Variants in CNTN4 observed in about 807,000 individuals in gnomAD.
CNTN4 encodes the protein contactin 4, also known as contactin-4.
CNTN4 carries 77 observed loss-of-function variants against 122.5 expected under a neutral mutation model. That is an observed-to-expected ratio of 0.63 (90% CI 0.52 to 0.76). The LOEUF is 0.76. Among genes scored for constraint, CNTN4 ranks in the 30% least tolerant of loss-of-function variants. CNTN4 has a pLI of 0.00. For synonymous variants in CNTN4, 512 were observed against 447.0 expected, an observed-to-expected ratio of 1.15 and a Z score of -1.83; for missense variants, 1,256 against 1,259.1, an observed-to-expected ratio of 1.00 and a Z score of 0.04.
At chr3:2,353,439 C>A (rs1484095185) in intron 3 of CNTN4, among the ~76,000 whole-genome samples, 2 of 152,122 alleles carry the variant, frequency 1.3e-5, no homozygotes, top group African/African-American at 4.8e-5. Context: ...AAGCTTTGTT[C>A]TTTTGCTCTT....
intron 3 of CNTN4, among the ~76,000 whole-genome samples, chr3:2,562,582 A>G (rs1299780721): frequency 6.6e-6 from 1 of 152,158 alleles, no homozygotes; most frequent in Admixed American, 6.6e-5. Flanking sequence ...ATTGTTGCAT[A>G]GTATTCCGTG....
chr3:2,459,899 C>G (rs1264969215), intron 3 of CNTN4, among the ~76,000 whole-genome samples: 1 of 152,072 alleles, frequency 6.6e-6, no homozygotes, highest in Non-Finnish European at 1.5e-5. Flanking sequence ...GTCTTCTTCC[C>G]TTGTATTTAT....
At chr3:2,706,923 T>G (rs999184631) in intron 4 of CNTN4, among the ~76,000 whole-genome samples, 4 of 152,076 alleles carry the variant, frequency 2.6e-5, no homozygotes, top group Admixed American at 6.6e-5. Flanking sequence ...TGAGTTAACA[T>G]TTTCAAAGTG....
chr3:2,400,441 A>ATATATATATG (rs2046814027), intron 3 of CNTN4, among the ~76,000 whole-genome samples: 1 of 136,378 alleles, frequency 7.3e-6, no homozygotes, highest in Non-Finnish European at 1.6e-5. Context: ...ATATATATAT[A>ATATATATATG]TATATATATC....
At chr3:2,136,022 C>A (rs2034675551) in intron 2 of CNTN4, among the ~76,000 whole-genome samples, 1 of 152,170 alleles carries the variant, frequency 6.6e-6, no homozygotes, top group South Asian at 2.1e-4. Flanking sequence ...ATAGGCATAG[C>A]CTCTCAGAGG....
In CNTN4 at chr3:2,736,223, A is replaced by C. The variant is rs1388151885; in HGVS notation, c.64A>C (p.Thr22Pro). Reference sequence around the variant, plus strand: ...TTCTCTTCTCATTTCAGATGATTCCACACTGCATGGCCCGATTTTTATTCA... The same window carrying C: ...TTCTCTTCTCATTTCAGATGATTCCCCACTGCATGGCCCGATTTTTATTCA... ...SFILCLADDS[T>P]LHGPIFIQEP... is the part of the protein sequence containing the mutation. The change falls in exon 5 of 25, where the codon ACA becomes CCA. Residue 22 changes from threonine to proline, a missense_variant. Physicochemically the swap from Thr to Pro is conservative, Grantham distance 38. Transcript: ENST00000418658. 1 of 1,613,400 alleles carries C rather than the reference A, an allele frequency of 6.2e-7. No individual in the cohort carries two copies. The highest frequency in any genetic ancestry group is 8.5e-7 in the Non-Finnish European group (1 of 1,179,700).
At chr3:2,889,143 C>T (rs2094010114) in intron 10 of CNTN4, among the ~76,000 whole-genome samples, 1 of 152,130 alleles carries the variant, frequency 6.6e-6, no homozygotes, top group Admixed American at 6.5e-5. Flanking sequence ...GGAAACTGGG[C>T]AGAGATTTCC....
intron 20 of CNTN4, chr3:3,041,261 C>T (rs959277457): frequency 4.6e-5 from 7 of 152,258 alleles, no homozygotes; most frequent in Non-Finnish European, 7.3e-5. Flanking sequence ...CTAGCTGCTG[C>T]CTCTCTGTCT....
At chr3:2,832,919 G>C (rs933957657) in intron 7 of CNTN4, among the ~76,000 whole-genome samples, 53 of 151,666 alleles carry the variant, frequency 3.5e-4, no homozygotes, top group African/African-American at 1.2e-3. Context: ...TAAAGTCATA[G>C]AGTTAAATAA....
At chr3:2,142,757 TGGA>T (rs1403533348) in intron 2 of CNTN4, among the ~76,000 whole-genome samples, 3 of 152,148 alleles carry the variant, frequency 2.0e-5, no homozygotes, top group Admixed American at 1.3e-4. Context: ...GAGAGGGGGC[TGGA>T]GGAGGAGAAG....
chr3:2,773,371 A>G (rs902722753), intron 6 of CNTN4, among the ~76,000 whole-genome samples: 1 of 152,242 alleles, frequency 6.6e-6, no homozygotes, highest in Non-Finnish European at 1.5e-5. Context: ...TAAAGTTTGT[A>G]CAAGTTTTAT....
At chr3:2,964,286 G>GT (rs1205103481) in intron 13 of CNTN4, among the ~76,000 whole-genome samples, 1 of 152,128 alleles carries the variant, frequency 6.6e-6, no homozygotes, top group Non-Finnish European at 1.5e-5. Flanking sequence ...ACTGAGACTA[G>GT]TTCTGCATAA....
In CNTN4 at chr3:2,257,818, C is replaced by T. The variant is rs572089229; in HGVS notation, c.-144-81360C>T. On this transcript the variant is annotated intron_variant, in intron 2 of 24. Transcript: ENST00000418658. Reference sequence around the variant, plus strand: ...GTGGCTCATGCCTGTAATCTTAGCACCTTGGGAGGCCGAGGTGGGCCGATC... The same window carrying T: ...GTGGCTCATGCCTGTAATCTTAGCATCTTGGGAGGCCGAGGTGGGCCGATC... Among the ~76,000 whole-genome samples, 3 of 152,174 alleles carry T rather than the reference C, an allele frequency of 2.0e-5. No individual in the cohort carries two copies. In the South Asian group the frequency reaches 6.2e-4, roughly 32 times the overall value.
chr3:2,382,451 G>A (rs557374621), intron 3 of CNTN4, among the ~76,000 whole-genome samples: 27 of 151,972 alleles, frequency 1.8e-4, no homozygotes, highest in Admixed American at 1.6e-3. Flanking sequence ...CACTGCGTCC[G>A]GCCCTATTGT....
chr3:3,014,324 G>T (rs977417182), intron 14 of CNTN4, among the ~76,000 whole-genome samples: 1 of 152,160 alleles, frequency 6.6e-6, no homozygotes. Context: ...TGTCATTTTA[G>T]AGAACAGTAA....
At chr3:2,248,040 T>C (rs942442717) in intron 2 of CNTN4, among the ~76,000 whole-genome samples, 3 of 151,932 alleles carry the variant, frequency 2.0e-5, no homozygotes, top group Non-Finnish European at 2.9e-5. Context: ...GTGATATATG[T>C]ATTTGTTTAC....
At chr3:2,438,210 A>G (rs1348244803) in intron 3 of CNTN4, among the ~76,000 whole-genome samples, 3 of 152,088 alleles carry the variant, frequency 2.0e-5, no homozygotes, top group Non-Finnish European at 2.9e-5. Context: ...TTTTCAGGAT[A>G]TTCCTTTATT....
chr3:2,143,515 A>T (rs1489708208), intron 2 of CNTN4, among the ~76,000 whole-genome samples: 1 of 152,222 alleles, frequency 6.6e-6, no homozygotes, highest in Admixed American at 6.5e-5. Flanking sequence ...AGACATAAAG[A>T]ATCTTAGGCT....
In CNTN4 at chr3:3,050,153, G is replaced by A. The variant is rs1050138526; in HGVS notation, c.2812-3654G>A. 5.3e-5 allele frequency among the ~76,000 whole-genome samples: 8 copies of A among 152,172 alleles called. No individual in the cohort carries two copies. In the South Asian group the frequency reaches 6.2e-4, roughly 12 times the overall value. On this transcript the variant is annotated intron_variant, in intron 23 of 24. Coordinates refer to ENST00000418658, the MANE Select transcript of CNTN4 (RefSeq NM_175607.3). ...CACCTGTTAATACAGTTAAAATGGC[G>A]AATTTCAACATGAGTTTTGGAGAGG...
Sources: allele counts gnomAD v4.1 joint callset (sites outside exome capture counted in the v4.1 genomes callset), GRCh38; gene constraint gnomAD v4.1.1; transcripts MANE v1.5; gene names NCBI Gene and HGNC (gene_info 2026-07-23, HGNC 2026-07-21).